The following NEK7 variants were observed in gnomAD, a reference collection of about 807,000 sequenced individuals.
NEK7 encodes serine/threonine-protein kinase Nek7.
Under a neutral mutation model 44.6 loss-of-function variants are expected in NEK7, and 18 were observed. The observed-to-expected ratio is 0.40, with a 90% CI of 0.28 to 0.60. NEK7 has a LOEUF of 0.60. NEK7 is among the 20% of genes least tolerant of loss of function. The pLI is 0.38. For missense variants in NEK7, 256 were observed against 366.5 expected (o/e 0.70, Z 2.46); for synonymous variants, 130 against 121.1 (o/e 1.07, Z -0.48).
At chr1:198,294,542 TA>T (rs1654655478) in intron 8 of NEK7, among the ~76,000 whole-genome samples, 2 of 152,050 alleles carry the variant, frequency 1.3e-5, no homozygotes, top group Admixed American at 1.3e-4. Flanking sequence ...AATTTAGCAA[TA>T]AAAAAGAAAA....
intron 9 of NEK7, among the ~76,000 whole-genome samples, chr1:198,315,498 T>C (rs1040556326): frequency 1.2e-4 from 19 of 152,186 alleles, no homozygotes; most frequent in African/African-American, 4.6e-4. Context: ...CTAAGAGGTA[T>C]GAGGAGCCAT....
intron 1 of NEK7, among the ~76,000 whole-genome samples, chr1:198,195,819 T>C (rs373837710): frequency 6.6e-6 from 1 of 152,144 alleles, no homozygotes; most frequent in East Asian, 1.9e-4. Flanking sequence ...GGACTCCATC[T>C]CAAAAAGAAA....
At chr1:198,166,874 C>A (rs1664284693) in intron 1 of NEK7, among the ~76,000 whole-genome samples, 1 of 152,220 alleles carries the variant, frequency 6.6e-6, no homozygotes, top group African/African-American at 2.4e-5. Flanking sequence ...AACAGACTAA[C>A]TTCACATAGG....
intron 2 of NEK7, among the ~76,000 whole-genome samples, chr1:198,250,071 G>A (rs1297985500): frequency 2.7e-5 from 4 of 147,932 alleles, no homozygotes; most frequent in Admixed American, 2.7e-4. Context: ...GTGTAAGGAA[G>A]GGATCCAGTT....
chr1:198,285,268 T>G (rs1021214231), intron 7 of NEK7, among the ~76,000 whole-genome samples: 14 of 152,120 alleles, frequency 9.2e-5, no homozygotes, highest in African/African-American at 3.4e-4. Context: ...TCGTAATAGA[T>G]ACTCAATAAA....
At chr1:198,308,818 G>C (rs1186383186) in intron 9 of NEK7, among the ~76,000 whole-genome samples, 1 of 152,030 alleles carries the variant, frequency 6.6e-6, no homozygotes. Flanking sequence ...ATCGAATTCT[G>C]TTACCTCTGC....
At chr1:198,240,548 A>G (rs1666658425) in intron 2 of NEK7, among the ~76,000 whole-genome samples, 1 of 151,934 alleles carries the variant, frequency 6.6e-6, no homozygotes, top group South Asian at 2.1e-4. Context: ...TGATGAGATC[A>G]TTGTTTTTTT....
In NEK7 at chr1:198,157,279, G is replaced by A. The variant is rs956386332; in HGVS notation, c.-29+3G>A. 2 of 152,208 alleles carry A rather than the reference G, an allele frequency of 1.3e-5. No homozygotes were observed. Among genetic ancestry groups the A allele is most frequent in the African/African-American group, 4.8e-5 (2 of 41,542 alleles). 9.4% of individuals were successfully genotyped at this position (152,208 alleles called of 1,614,324 possible). ...AACGGAAAACTCCCAACTTCCTGGTGAGTCGCTGCCCAGGGTTCAGGCGCC... is the reference window on the plus strand; with the variant it reads ...AACGGAAAACTCCCAACTTCCTGGTAAGTCGCTGCCCAGGGTTCAGGCGCC... On this transcript the variant is annotated splice_donor_region_variant and intron_variant, in intron 1 of 9. Coordinates refer to ENST00000367385, the MANE Select transcript of NEK7 (RefSeq NM_133494.3).
chr1:198,255,122 G>A (rs12060034), intron 3 of NEK7, among the ~76,000 whole-genome samples: 26,179 of 152,018 alleles, frequency 0.17, 3,188 homozygotes, highest in African/African-American at 0.31. Context: ...TGGAATTGGT[G>A]GAATTGGAAC....
chr1:198,157,905 CA>C (rs1663963762), intron 1 of NEK7, among the ~76,000 whole-genome samples: 1 of 152,024 alleles, frequency 6.6e-6, no homozygotes. Context: ...GTGATGGTGG[CA>C]ATGGAAAAGA....
chr1:198,209,533 A>T (rs533005490), intron 1 of NEK7, among the ~76,000 whole-genome samples: 86 of 152,336 alleles, frequency 5.6e-4, no homozygotes, highest in Admixed American at 1.8e-3. Flanking sequence ...TAATGATAAG[A>T]ATAATATCCT....
At chr1:198,279,596 T>G (rs1654131545) in intron 7 of NEK7, among the ~76,000 whole-genome samples, 1 of 151,914 alleles carries the variant, frequency 6.6e-6, no homozygotes, top group Non-Finnish European at 1.5e-5. Context: ...AGGACTTAGA[T>G]CAAATGGTGA....
At chr1:198,202,243 G>A (rs1665452456) in intron 1 of NEK7, among the ~76,000 whole-genome samples, 1 of 151,908 alleles carries the variant, frequency 6.6e-6, no homozygotes, top group Non-Finnish European at 1.5e-5. Context: ...GCCGTTGTAG[G>A]TGTCGTCAGG....
chr1:198,193,255 C>T (rs145410099), intron 1 of NEK7, among the ~76,000 whole-genome samples: 70 of 152,090 alleles, frequency 4.6e-4, no homozygotes, highest in Non-Finnish European at 9.7e-4. Flanking sequence ...AAGACTGAAC[C>T]AGGAAGCAGT....
chr1:198,228,663 T>G (rs1666298051), intron 1 of NEK7, among the ~76,000 whole-genome samples: 1 of 152,210 alleles, frequency 6.6e-6, no homozygotes, highest in African/African-American at 2.4e-5. Flanking sequence ...GATTTGGCTC[T>G]CTGTTTGTCT....
intron 1 of NEK7, among the ~76,000 whole-genome samples, chr1:198,216,230 A>G (rs1665915263): frequency 6.6e-6 from 1 of 152,136 alleles, no homozygotes; most frequent in Admixed American, 6.6e-5. Context: ...CACATCAATT[A>G]TATTCTCAGA....
chr1:198,301,665 T>A (rs1212405979), intron 9 of NEK7, among the ~76,000 whole-genome samples: 2 of 152,048 alleles, frequency 1.3e-5, no homozygotes, highest in East Asian at 3.9e-4. Flanking sequence ...GTTTAAGAAA[T>A]GGAAATGAGA....
intron 1 of NEK7, among the ~76,000 whole-genome samples, chr1:198,230,722 T>C (rs1254186519): frequency 6.6e-6 from 1 of 152,020 alleles, no homozygotes; most frequent in Non-Finnish European, 1.5e-5. Flanking sequence ...ATAAGGAAGT[T>C]TAGGAATTTT....
intron 1 of NEK7, among the ~76,000 whole-genome samples, chr1:198,226,473 A>G (rs1344937695): frequency 2.0e-5 from 3 of 150,624 alleles, no homozygotes; most frequent in Non-Finnish European, 4.4e-5. Flanking sequence ...TGAACCCAGG[A>G]GGCAGAGGTT....
Sources: gnomAD v4.1 joint callset for allele counts (sites outside exome capture counted in the v4.1 genomes callset) on GRCh38, gnomAD v4.1.1 for gene constraint, MANE v1.5 for transcripts, NCBI Gene and HGNC (gene_info 2026-07-23, HGNC 2026-07-21) for gene names.